The following CCDC7 variants were observed in gnomAD, a reference collection of about 807,000 sequenced individuals.
CCDC7 encodes the protein coiled-coil domain containing 7.
Under a neutral mutation model 196.9 loss-of-function variants are expected in CCDC7, and 183 were observed. The observed-to-expected ratio is 0.93, with a 90% CI of 0.82 to 1.05. The LOEUF (loss-of-function observed/expected upper bound fraction) is 1.05, where lower values mean the gene tolerates loss of function less well. Among genes scored for constraint, CCDC7 ranks in the 50% least tolerant of loss-of-function variants. The pLI is 0.00. For synonymous variants in CCDC7, 525 were observed against 484.6 expected, an observed-to-expected ratio of 1.08 and a Z score of -1.10; for missense variants, 1,540 against 1,482.2, an observed-to-expected ratio of 1.04 and a Z score of -0.64.
Position 32,782,217 on chromosome 10 carries a change from TG to T in CCDC7, c.3013+3134del, listed in dbSNP as rs542999069. On this transcript the variant is annotated intron_variant, in intron 29 of 41. Transcript: ENST00000639629. ...CATGTTCATGGATTAGAAGATAACT[TG>T]TTTTTTTTTTGTTTTTTTTGGTTTT... Among the ~76,000 whole-genome samples the T allele has an allele frequency of 4.8e-3, 506 of 105,240 alleles. 1 individual carries two copies. The highest frequency in any genetic ancestry group is 5.8e-3 in the Non-Finnish European group (293 of 50,378). The allele number at this position is 105,240 out of a possible 152,430, so 69.0% of individuals were successfully genotyped here.
At chr10:32,814,790 A>G (rs2088019447) in intron 31 of CCDC7, among the ~76,000 whole-genome samples, 1 of 152,214 alleles carries the variant, frequency 6.6e-6, no homozygotes. Flanking sequence ...TTTTTCAGAG[A>G]TTACACAACT....
chr10:32,589,053 AATT>A (rs1390396483), intron 18 of CCDC7, among the ~76,000 whole-genome samples: 9 of 152,228 alleles, frequency 5.9e-5, no homozygotes, highest in African/African-American at 2.2e-4. Flanking sequence ...TGTATAATTA[AATT>A]ATTATTGACT....
chr10:32,728,528 G>T (rs897780929), intron 26 of CCDC7, among the ~76,000 whole-genome samples: 5 of 152,172 alleles, frequency 3.3e-5, no homozygotes, highest in Admixed American at 3.3e-4. Context: ...TGAATATTTT[G>T]CAATTACAAA....
chr10:32,867,592 CA>C (rs1224047849), intron 41 of CCDC7, among the ~76,000 whole-genome samples: 1 of 150,402 alleles, frequency 6.6e-6, no homozygotes, highest in Non-Finnish European at 1.5e-5. Flanking sequence ...TTCTATGAAA[CA>C]AAAAAGGCAA....
At chr10:32,757,072 C>A (rs2076585458) in intron 28 of CCDC7, among the ~76,000 whole-genome samples, 1 of 152,146 alleles carries the variant, frequency 6.6e-6, no homozygotes. Context: ...TATATATGCA[C>A]CCAATACAGG....
At chr10:32,467,234 T>C (rs1287701891) in intron 5 of CCDC7, among the ~76,000 whole-genome samples, 2 of 151,718 alleles carry the variant, frequency 1.3e-5, no homozygotes, top group African/African-American at 2.4e-5. Context: ...CACAAGTAGC[T>C]GGGACTACAG....
chr10:32,734,817 A>G (rs1051433486), intron 28 of CCDC7, among the ~76,000 whole-genome samples: 21 of 152,034 alleles, frequency 1.4e-4, no homozygotes, highest in Non-Finnish European at 1.6e-4. Context: ...GAATTGCTTG[A>G]ACCAGGGAGG....
intron 31 of CCDC7, among the ~76,000 whole-genome samples, chr10:32,817,723 T>C (rs1229000452): frequency 3.9e-5 from 6 of 152,220 alleles, no homozygotes; most frequent in Non-Finnish European, 8.8e-5. Flanking sequence ...CAGAATTTCA[T>C]ATCCAGCCAA....
chr10:32,751,108 A>T (rs1483675142), intron 28 of CCDC7, among the ~76,000 whole-genome samples: 1 of 151,920 alleles, frequency 6.6e-6, no homozygotes, highest in East Asian at 1.9e-4. Context: ...CTTTGCCTCC[A>T]CCTTGGCTGC....
At chr10:32,611,535 A>G (rs2062132148) in intron 18 of CCDC7, among the ~76,000 whole-genome samples, 1 of 152,118 alleles carries the variant, frequency 6.6e-6, no homozygotes, top group Admixed American at 6.5e-5. Context: ...GTTTTCTTCT[A>G]GGGTTTTTAT....
chr10:32,511,997 G>C (rs1279295780), intron 9 of CCDC7: 4 of 444,844 alleles, frequency 9.0e-6, no homozygotes, highest in Non-Finnish European at 1.6e-5. Flanking sequence ...GTTGGTCTTT[G>C]GGGGAGCTAA....
intron 20 of CCDC7, among the ~76,000 whole-genome samples, chr10:32,652,203 G>A (rs1010225105): frequency 6.6e-6 from 1 of 152,130 alleles, no homozygotes; most frequent in Middle Eastern, 3.4e-3. Context: ...TTAACTTAAA[G>A]TGTATTTTAT....
chr10:32,641,238 G>A (rs1358434260), intron 20 of CCDC7, among the ~76,000 whole-genome samples: 2 of 152,174 alleles, frequency 1.3e-5, no homozygotes, highest in Non-Finnish European at 2.9e-5. Context: ...ATAATATCCT[G>A]AAGAGTGTTT....
intron 9 of CCDC7, among the ~76,000 whole-genome samples, chr10:32,501,341 G>A (rs2044000270): frequency 6.6e-6 from 1 of 152,044 alleles, no homozygotes; most frequent in Admixed American, 6.5e-5. Flanking sequence ...CTTTAGCTCA[G>A]AGGAGTTTGT....
At chr10:32,723,985 G>T (rs919587257) in intron 25 of CCDC7, among the ~76,000 whole-genome samples, 1 of 151,840 alleles carries the variant, frequency 6.6e-6, no homozygotes, top group Non-Finnish European at 1.5e-5. Flanking sequence ...TACTAGGTAG[G>T]GATTGCTTCC....
upstream of CCDC7, among the ~76,000 whole-genome samples, chr10:32,450,090 TA>T (rs2133311862): frequency 6.6e-6 from 1 of 152,338 alleles, no homozygotes; most frequent in East Asian, 1.9e-4. Context: ...GTGGGTGGCT[TA>T]GAACAACAGA....
chr10:32,481,334 GC>G (rs1479384989), intron 8 of CCDC7, among the ~76,000 whole-genome samples: 1 of 151,912 alleles, frequency 6.6e-6, no homozygotes, highest in African/African-American at 2.4e-5. Flanking sequence ...ACTTACTATT[GC>G]CATTCTGTTA....
Position 32,571,980 on chromosome 10 carries a change from T to A in CCDC7, c.1454+87T>A, listed in dbSNP as rs188063730. ...AGCAATGAAAATAACCATTCTAAAT[T>A]TAATGTCACAAAACTCTTTGAAACT... On this transcript the variant is annotated intron_variant, in intron 16 of 41. Coordinates refer to ENST00000639629, the Ensembl canonical transcript of CCDC7. The A allele has an allele frequency of 3.4e-3, 4,325 of 1,269,258 alleles. 9 individuals carry two copies. The highest frequency in any genetic ancestry group is 3.6e-3 in the Non-Finnish European group (3,414 of 961,030). 78.6% of individuals were successfully genotyped at this position (1,269,258 alleles called of 1,614,324 possible).
intron 16 of CCDC7, among the ~76,000 whole-genome samples, chr10:32,577,883 A>T (rs767757537): frequency 6.6e-6 from 1 of 152,214 alleles, no homozygotes; most frequent in Non-Finnish European, 1.5e-5. Context: ...AGAGTGAGAA[A>T]AGTCTGCCCC....
Sources: allele counts gnomAD v4.1 joint callset (sites outside exome capture counted in the v4.1 genomes callset), GRCh38; gene constraint gnomAD v4.1.1; transcripts MANE v1.5; gene names NCBI Gene and HGNC (gene_info 2026-07-23, HGNC 2026-07-21).